The following IQSEC3 variants were observed in gnomAD, a reference collection of about 807,000 sequenced individuals.
IQSEC3 encodes the protein IQ motif and SEC7 domain-containing protein 3.
In IQSEC3, 50 loss-of-function variants were observed where a neutral mutation model predicts 105.4. The observed-to-expected ratio is 0.47, with a 90% CI of 0.38 to 0.60. The LOEUF (loss-of-function observed/expected upper bound fraction) is 0.60, where lower values mean the gene tolerates loss of function less well. Among genes scored for constraint, IQSEC3 ranks in the 20% least tolerant of loss-of-function variants. The pLI is 0.00. For synonymous variants in IQSEC3, 708 were observed against 746.0 expected (o/e 0.95, Z 0.83); for missense variants, 1,415 against 1,630.0 (o/e 0.87, Z 2.27).
At chr12:168,876 C>G (rs977141230) in intron 11 of IQSEC3, 137 bp from the exon 12 acceptor site, 2 of 746,308 alleles carry the variant, frequency 2.7e-6, no homozygotes, top group African/African-American at 1.7e-5. Flanking sequence ...GGGCCAGACC[C>G]GAGGTCCGTG....
intron 1 of IQSEC3, among the ~76,000 whole-genome samples, chr12:69,360 A>G (rs1863219491): frequency 6.6e-6 from 1 of 152,292 alleles, no homozygotes; most frequent in Non-Finnish European, 1.5e-5. Flanking sequence ...CCTGGGATTT[A>G]GGAATCATCT....
chr12:98,388 G>T (rs184614597), intron 1 of IQSEC3, among the ~76,000 whole-genome samples: 2 of 152,232 alleles, frequency 1.3e-5, no homozygotes, highest in South Asian at 2.1e-4. Context: ...TCAGAGTCCT[G>T]GGGGGAAGGG....
At chr12:103,826 GACTCA>G (rs1864538623) in intron 2 of IQSEC3, among the ~76,000 whole-genome samples, 1 of 41,258 alleles carries the variant, frequency 2.4e-5, no homozygotes, top group Non-Finnish European at 4.7e-5. Flanking sequence ...GGGGAGGCAG[GACTCA>G]GGAGGGAGAG....
Position 102,743 on chromosome 12 carries a change from G to A in IQSEC3, c.623+3529G>A, listed in dbSNP as rs184743329. Among the ~76,000 whole-genome samples, 238 of 152,356 alleles carry A rather than the reference G, an allele frequency of 1.6e-3. 2 individuals carry two copies. Among genetic ancestry groups the A allele is most frequent in the Non-Finnish European group, 2.6e-3 (180 of 68,032 alleles). On this transcript the variant is annotated intron_variant, in intron 2 of 13. Coordinates refer to ENST00000538872, the MANE Select transcript of IQSEC3 (RefSeq NM_001170738.2). The stretch of plus-strand genomic sequence containing the variant: ...GCCGGACAGGGAGTGATTCTCCCAG[G>A]AGTGGGAACACCTGAAATTGAGCAC...
intron 3 of IQSEC3, among the ~76,000 whole-genome samples, chr12:134,198 TAC>T (rs1176664910): frequency 2.0e-5 from 3 of 152,236 alleles, no homozygotes; most frequent in African/African-American, 7.2e-5. Flanking sequence ...ATTTGTCGAA[TAC>T]ACACTCATTG....
intron 1 of IQSEC3, among the ~76,000 whole-genome samples, chr12:78,875 TG>T (rs1165399251): frequency 4.6e-5 from 7 of 152,046 alleles, no homozygotes; most frequent in African/African-American, 1.7e-4. Context: ...ACCCTTCCAG[TG>T]GCAGAAGGTG....
Position 80,603 on chromosome 12 carries a change from T to C in IQSEC3, c.554+13167T>C, listed in dbSNP as rs114981280. The stretch of plus-strand genomic sequence containing the variant: ...TTCCTTTCACTTAACAAATATTTAT[T>C]ATCTGCTGTGTGCCAGTTACTATTC... On this transcript the variant is annotated intron_variant, in intron 1 of 13. Coordinates refer to ENST00000538872, the MANE Select transcript of IQSEC3 (RefSeq NM_001170738.2). 2.1e-3 allele frequency among the ~76,000 whole-genome samples: 319 copies of C among 152,348 alleles called. 2 individuals are homozygous for C. Among genetic ancestry groups the C allele is most frequent in the African/African-American group, 7.2e-3 (298 of 41,580 alleles).
At position 97,464 on chromosome 12, in the gene IQSEC3, C is replaced by T. The variant is rs139130894; in HGVS notation, c.555-1682C>T. Among the ~76,000 whole-genome samples the T allele has an allele frequency of 9.5e-4, 145 of 152,030 alleles. 2 individuals carry two copies. The highest frequency in any genetic ancestry group is 6.8e-3 in the Middle Eastern group (2 of 294). Reference sequence around the variant, plus strand: ...TTCCTAAGCTTCCTTCGATTTTTTCCTTTTAATTTCTCTCATTTAAACATA... The same window carrying T: ...TTCCTAAGCTTCCTTCGATTTTTTCTTTTTAATTTCTCTCATTTAAACATA... On this transcript the variant is annotated intron_variant, in intron 1 of 13. Transcript: ENST00000538872.
chr12:131,053 T>A (rs1453969994), intron 3 of IQSEC3, among the ~76,000 whole-genome samples: 1 of 59,160 alleles, frequency 1.7e-5, no homozygotes, highest in Non-Finnish European at 3.4e-5. Flanking sequence ...TCCTCAGCAC[T>A]GTGCCCCCCA....
chr12:95,036 C>T (rs1455356797), intron 1 of IQSEC3, among the ~76,000 whole-genome samples: 1 of 152,222 alleles, frequency 6.6e-6, no homozygotes, highest in Non-Finnish European at 1.5e-5. Flanking sequence ...CCTTCTTGCT[C>T]CTGCTCCATC....
In IQSEC3 at chr12:161,935, A is replaced by G; in HGVS notation, c.2453A>G (p.Asp818Gly). Residue 818 changes from aspartate to glycine, a missense_variant, in exon 8 of 14, where the codon GAT (aspartate) becomes GGT (glycine). Asp to Gly is a moderately conservative substitution (Grantham distance 94, BLOSUM62 -1). Transcript: ENST00000538872. The part of the protein sequence containing the change: ...DFIRNLRGVD[D>G]GADIPRELVV... ...CACTCCACGTTGTTAGGTGTGGACG[A>G]TGGCGCTGACATCCCCAGGGAGCTG... The G allele has an allele frequency of 6.2e-7, 1 of 1,601,346 alleles. No individual in the cohort carries two copies. Among genetic ancestry groups the G allele is most frequent in the Non-Finnish European group, 8.5e-7 (1 of 1,174,118 alleles).
chr12:109,414 C>CT lies in IQSEC3; in HGVS notation c.623+10202dup, dbSNP rs1481087676. Among the ~76,000 whole-genome samples, 8 of 152,340 alleles carry CT rather than the reference C, an allele frequency of 5.3e-5. No individual in the cohort carries two copies. The East Asian group carries it at 1.4e-3, about 26-fold the overall frequency. On this transcript the variant is annotated intron_variant, in intron 2 of 13. Coordinates refer to ENST00000538872, the MANE Select transcript of IQSEC3 (RefSeq NM_001170738.2). ...TGTAGCCCCCCGGCCTCTCTGCAGC[C>CT]TTACTGACGGCTGCCCCTGGTGGAC...
intron 5 of IQSEC3, among the ~76,000 whole-genome samples, chr12:145,072 G>A (rs1249257806): frequency 6.6e-6 from 1 of 152,194 alleles, no homozygotes; most frequent in South Asian, 2.1e-4. Flanking sequence ...GCCTCACACA[G>A]TGCTCCCACC....
At position 67,377 on chromosome 12, in the gene IQSEC3, C is replaced by A; in HGVS notation, c.495C>A (p.Ala165=). The A allele has an allele frequency of 6.3e-7, 1 of 1,597,250 alleles. No individual in the cohort carries two copies. The highest frequency in any genetic ancestry group is 8.5e-7 in the Non-Finnish European group (1 of 1,179,134). The part of the protein sequence containing the change: ...RPPSCCAAAG[A]LLQHKSPSAL... The stretch of plus-strand genomic sequence containing the variant: ...CGAGTTGCTGCGCTGCTGCCGGAGC[C>A]CTCCTTCAGCACAAATCCCCCTCCG... The change falls in exon 1 of 14, where the codon GCC becomes GCA. Residue 165 remains alanine, a synonymous_variant. Coordinates refer to ENST00000538872, the MANE Select transcript of IQSEC3 (RefSeq NM_001170738.2).
chr12:131,006 C>A (rs1219663216), intron 3 of IQSEC3, among the ~76,000 whole-genome samples: 1 of 49,778 alleles, frequency 2.0e-5, no homozygotes, highest in Non-Finnish European at 4.2e-5. Context: ...CTGTGCCCCC[C>A]AGCTAGCGGC....
At chr12:84,174 G>A (rs1294857223) in intron 1 of IQSEC3, among the ~76,000 whole-genome samples, 1 of 152,226 alleles carries the variant, frequency 6.6e-6, no homozygotes, top group African/African-American at 2.4e-5. Context: ...AAAGGCTGGT[G>A]GCATCGTGCC....
intron 1 of IQSEC3, among the ~76,000 whole-genome samples, chr12:91,503 G>A (rs910309148): frequency 6.6e-6 from 1 of 152,156 alleles, no homozygotes; most frequent in Non-Finnish European, 1.5e-5. Context: ...GGCCCAGCGC[G>A]GTTGTTCATG....
intron 7 of IQSEC3, among the ~76,000 whole-genome samples, chr12:159,188 C>T (rs7305337): frequency 0.21 from 32,395 of 152,068 alleles, 5,232 homozygotes; most frequent in African/African-American, 0.44. Context: ...ATTTGCTTAA[C>T]TCTCTGAGGA....
At chr12:153,738 A>G (rs782465268) in intron 5 of IQSEC3, among the ~76,000 whole-genome samples, 20 of 152,092 alleles carry the variant, frequency 1.3e-4, no homozygotes, top group Non-Finnish European at 2.9e-4. Flanking sequence ...CCCCCATGCA[A>G]AAGCAGCCCC....
Sources: gnomAD v4.1 joint callset for allele counts (sites outside exome capture counted in the v4.1 genomes callset) on GRCh38, gnomAD v4.1.1 for gene constraint, MANE v1.5 for transcripts, NCBI Gene and HGNC (gene_info 2026-07-23, HGNC 2026-07-21) for gene names.